Variants in ST3GAL3 observed in about 807,000 individuals in gnomAD.
The protein encoded by ST3GAL3 is ST3 beta-galactoside alpha-2,3-sialyltransferase 3, also known as CMP-N-acetylneuraminate-beta-1,4-galactoside alpha-2,3-sialyltransferase.
In ST3GAL3, 21 loss-of-function variants were observed where a neutral mutation model predicts 50.1. That is an observed-to-expected ratio of 0.42 (90% CI 0.30 to 0.60). The LOEUF (loss-of-function observed/expected upper bound fraction) is 0.60. ST3GAL3 is among the 20% of genes least tolerant of loss of function. The pLI, the probability that ST3GAL3 is intolerant of heterozygous loss-of-function variation, is 0.19. For synonymous variants in ST3GAL3, 183 were observed against 190.0 expected (o/e 0.96, Z 0.30); for missense variants, 353 against 489.4 (o/e 0.72, Z 2.63).
At chr1:43,927,047 A>G (rs2084110046) in intron 11 of ST3GAL3, among the ~76,000 whole-genome samples, 1 of 152,058 alleles carries the variant, frequency 6.6e-6, no homozygotes, top group South Asian at 2.1e-4. Context: ...TACTTCATTC[A>G]GGCCGGGCGT....
intron 9 of ST3GAL3, among the ~76,000 whole-genome samples, chr1:43,915,560 T>C (rs2081640694): frequency 6.6e-6 from 1 of 152,022 alleles, no homozygotes; most frequent in South Asian, 2.1e-4. Context: ...AGTTCTGCCT[T>C]GGGGTGGAGG....
chr1:43,777,518 C>T (rs928388692), intron 2 of ST3GAL3, among the ~76,000 whole-genome samples: 1 of 152,048 alleles, frequency 6.6e-6, no homozygotes, highest in African/African-American at 2.4e-5. Context: ...ACAAAACAAG[C>T]AATGGGGAAT....
In ST3GAL3 at chr1:43,921,353, C is replaced by T. The variant is rs1416012923; in HGVS notation, c.1038+425C>T. ...AGCCAAGCACTGCAGCTCTTCATAC[C>T]CCGAATTGCTTCCCAAACATCCGTA... On this transcript the variant is annotated intron_variant, in intron 11 of 11. Coordinates refer to ENST00000347631, the MANE Select transcript of ST3GAL3 (RefSeq NM_006279.5). 11 of 461,852 alleles carry T rather than the reference C, an allele frequency of 2.4e-5. No homozygotes were observed. In the East Asian group the frequency reaches 3.5e-4, roughly 15 times the overall value. The allele number at this position is 461,852 out of a possible 1,614,324, so 28.6% of individuals were successfully genotyped here. A position where few individuals can be genotyped will look rare whatever the true frequency, so the allele number is the denominator to read the frequency against.
intron 4 of ST3GAL3, among the ~76,000 whole-genome samples, chr1:43,817,134 T>C (rs1276031540): frequency 6.6e-6 from 1 of 152,244 alleles, no homozygotes. Context: ...TAGTATTACA[T>C]GACCTTAGAT....
chr1:43,898,237 A>G lies in ST3GAL3; in HGVS notation c.400A>G (p.Asn134Asp), dbSNP rs201834329. 6.2e-7 allele frequency: 1 copy of G among 1,613,940 alleles called. No individual in the cohort carries two copies. The highest frequency in any genetic ancestry group is 1.7e-5 in the Admixed American group (1 of 60,026). ...VPPFGIKGQD[N>D]LIKAILSVTK... Reference sequence around the variant, plus strand: ...AAACCTCTCTCCTCTGTCTGCAGACAATCTGATCAAAGCCATCTTGTCAGT... The same window carrying G: ...AAACCTCTCTCCTCTGTCTGCAGACGATCTGATCAAAGCCATCTTGTCAGT... The change falls in exon 7 of 12, where the codon AAT (asparagine) becomes GAT (aspartate). Residue 134 changes from asparagine (N) to aspartate (D), a missense_variant and splice_region_variant. By Grantham distance (23) the Asn-to-Asp change is conservative (BLOSUM62 1). Transcript: ENST00000347631.
chr1:43,894,572 G>T, intron 6 of ST3GAL3, 95 bp downstream of exon 6: 1 of 1,088,322 alleles, frequency 9.2e-7, no homozygotes, highest in South Asian at 1.2e-5. Context: ...TCCCCATGCT[G>T]AGAATCCACC....
intron 2 of ST3GAL3, among the ~76,000 whole-genome samples, chr1:43,770,134 C>G (rs1422776075): frequency 1.3e-5 from 2 of 149,986 alleles, no homozygotes; most frequent in Admixed American, 6.7e-5. Context: ...AAGCATGGTT[C>G]AAGGAATCAA....
At chr1:43,796,706 A>C (rs534746534) in intron 3 of ST3GAL3, among the ~76,000 whole-genome samples, 3 of 152,394 alleles carry the variant, frequency 2.0e-5, no homozygotes, top group Admixed American at 6.5e-5. Context: ...CCAGATATGA[A>C]CCAAAATGAA....
intron 2 of ST3GAL3, among the ~76,000 whole-genome samples, chr1:43,741,863 C>G (rs150569194): frequency 2.0e-4 from 31 of 152,264 alleles, no homozygotes; most frequent in African/African-American, 6.5e-4. Context: ...GTTTCCCAAC[C>G]CTGTTCTGTG....
At chr1:43,763,970 T>C (rs1202899581) in intron 2 of ST3GAL3, among the ~76,000 whole-genome samples, 1 of 152,218 alleles carries the variant, frequency 6.6e-6, no homozygotes, top group Admixed American at 6.5e-5. Flanking sequence ...CCACCTAACG[T>C]TGAGTCCTGG....
intron 1 of ST3GAL3, among the ~76,000 whole-genome samples, chr1:43,714,432 CAAAA>C (rs35400929): frequency 3.1e-4 from 23 of 73,712 alleles, no homozygotes; most frequent in African/African-American, 1.1e-3. Context: ...TACTAAAATA[CAAAA>C]AAAAAAAAAA....
In ST3GAL3 at chr1:43,899,735, C is replaced by T. The variant is rs781512967; in HGVS notation, c.744+8C>T. 1.9e-6 allele frequency: 3 copies of T among 1,613,560 alleles called. No individual in the cohort carries two copies. Among genetic ancestry groups the T allele is most frequent in the African/African-American group, 2.7e-5 (2 of 75,036 alleles). On this transcript the variant is annotated splice_region_variant and intron_variant, in intron 9 of 11. Transcript: ENST00000347631. This position sits in a 1 kb window ranked among gnomAD's most constrained non-coding sequence, Gnocchi z 5.4. Reference sequence around the variant, plus strand: ...GTCTACAAGGAGAGAGTGGTAAGCTCTCCTGGCACCAGCTTCTTCCCCTCT... The same window carrying T: ...GTCTACAAGGAGAGAGTGGTAAGCTTTCCTGGCACCAGCTTCTTCCCCTCT...
intron 6 of ST3GAL3, 86 bp downstream of exon 6, chr1:43,894,563 C>A (rs1290384430): frequency 1.7e-6 from 2 of 1,211,754 alleles, no homozygotes; most frequent in South Asian, 1.2e-5. Context: ...CCTCAGAAGT[C>A]CCCATGCTGA....
chr1:43,917,641 TAATATATA>T (rs1557540900), intron 9 of ST3GAL3, among the ~76,000 whole-genome samples: 1,310 of 76,074 alleles, frequency 0.017, 48 homozygotes, highest in African/African-American at 0.063. Flanking sequence ...ATATATAATA[TAATATATA>T]ATATAATATA....
rs1321934480 is a variant in ST3GAL3 at position 43,917,472 on chromosome 1, TAA to T, written c.745-2931_745-2930del. Among the ~76,000 whole-genome samples, 25 of 87,380 alleles carry T rather than the reference TAA, an allele frequency of 2.9e-4. No homozygotes were observed. In the East Asian group the frequency reaches 4.7e-3, roughly 16 times the overall value. The allele number at this position is 87,380 out of a possible 152,430, so 57.3% of individuals were successfully genotyped here. A position where few individuals can be genotyped will look rare whatever the true frequency, so the allele number is the denominator to read the frequency against. The stretch of plus-strand genomic sequence containing the variant: ...TATAATATATAATATATATAATATA[TAA>T]TATATATAATATATAATATATATAA... On this transcript the variant is annotated intron_variant, in intron 9 of 11. Coordinates refer to ENST00000347631, the MANE Select transcript of ST3GAL3 (RefSeq NM_006279.5).
chr1:43,750,490 A>T (rs921537992), intron 2 of ST3GAL3, among the ~76,000 whole-genome samples: 1 of 152,194 alleles, frequency 6.6e-6, no homozygotes, highest in Non-Finnish European at 1.5e-5. Context: ...TTAGATATTT[A>T]ATTATAAAGA....
chr1:43,926,159 G>C (rs928517624), intron 11 of ST3GAL3, among the ~76,000 whole-genome samples: 2 of 152,184 alleles, frequency 1.3e-5, no homozygotes, highest in African/African-American at 4.8e-5. Flanking sequence ...GTATAGATCT[G>C]TGAGTTGTTA....
At position 43,765,365 on chromosome 1, in the gene ST3GAL3, T is replaced by C. The variant is rs142105754; in HGVS notation, c.119-26737T>C. Among the ~76,000 whole-genome samples, 201 of 152,320 alleles carry C rather than the reference T, an allele frequency of 1.3e-3. 2 individuals are homozygous for C. The highest frequency in any genetic ancestry group is 3.4e-3 in the Middle Eastern group (1 of 294). On this transcript the variant is annotated intron_variant, in intron 2 of 11. Coordinates refer to ENST00000347631, the MANE Select transcript of ST3GAL3 (RefSeq NM_006279.5). ...CTCTCTTCAAGCACAGAGAAGTTCA[T>C]GTGCTTCCCTGCAGCGCACGTTCCA...
At chr1:43,709,810 G>C (rs1382161925) in intron 1 of ST3GAL3, among the ~76,000 whole-genome samples, 1 of 152,116 alleles carries the variant, frequency 6.6e-6, no homozygotes, top group African/African-American at 2.4e-5. Context: ...TCGCGCCAGT[G>C]CACTCCAGAC....
Sources: gnomAD v4.1 joint callset for allele counts (sites outside exome capture counted in the v4.1 genomes callset) on GRCh38, gnomAD v4.1.1 for gene constraint, Gnocchi (gnomAD v3.1) non-coding constraint, MANE v1.5 for transcripts, NCBI Gene and HGNC (gene_info 2026-07-23, HGNC 2026-07-21) for gene names.